CADM2: variants seen among roughly 807,000 people sequenced by gnomAD.
CADM2 encodes the protein immunoglobulin superfamily member 4D.
Under a neutral mutation model 49.8 loss-of-function variants are expected in CADM2, and 12 were observed. The observed-to-expected ratio is 0.24, with a 90% CI of 0.15 to 0.39. CADM2 has a LOEUF of 0.39. Ranked by LOEUF, CADM2 falls within the 10% of genes least tolerant of loss-of-function variation. The probability of loss-of-function intolerance (pLI) is 1.00; values close to 1 mark genes in which losing one functional copy is unlikely to be tolerated. For synonymous variants in CADM2, 214 were observed against 175.4 expected, an observed-to-expected ratio of 1.22 and a Z score of -1.74; for missense variants, 378 against 492.3, an observed-to-expected ratio of 0.77 and a Z score of 2.20.
intron 2 of CADM2, among the ~76,000 whole-genome samples, chr3:85,738,963 G>T (rs1285334942): frequency 2.0e-5 from 3 of 151,998 alleles, no homozygotes; most frequent in African/African-American, 7.2e-5. Context: ...TTTTAAAATT[G>T]ATTCCACCAC....
intron 3 of CADM2, among the ~76,000 whole-genome samples, chr3:85,868,405 A>T (rs1253796069): frequency 3.3e-5 from 5 of 152,148 alleles, no homozygotes; most frequent in Admixed American, 3.3e-4. Context: ...TGGTTAAAAC[A>T]GAAACGACTT....
chr3:86,065,547 A>G, intron 8 of CADM2, 58 bp from the exon 9 acceptor site: 1 of 1,541,886 alleles, frequency 6.5e-7, no homozygotes, highest in Non-Finnish European at 8.8e-7. Context: ...TAATGCAGTT[A>G]TGTATTCTGT....
intron 1 of CADM2, among the ~76,000 whole-genome samples, chr3:85,596,178 T>G (rs2063234632): frequency 6.6e-6 from 1 of 151,878 alleles, no homozygotes; most frequent in Non-Finnish European, 1.5e-5. Flanking sequence ...TATTACTTTA[T>G]TTTATTTTTT....
At chr3:85,353,026 C>T (rs1055584040) in intron 1 of CADM2, among the ~76,000 whole-genome samples, 16 of 152,076 alleles carry the variant, frequency 1.1e-4, no homozygotes, top group South Asian at 2.1e-4. Flanking sequence ...GCTTATTTAT[C>T]CTTAAATGCT....
At chr3:86,029,804 G>C (rs1734341766) in intron 8 of CADM2, among the ~76,000 whole-genome samples, 1 of 151,986 alleles carries the variant, frequency 6.6e-6, no homozygotes, top group Admixed American at 6.6e-5. Flanking sequence ...CTGGTATTTT[G>C]AACTTGGGAG....
chr3:85,248,719 A>T (rs1358738053), intron 1 of CADM2, among the ~76,000 whole-genome samples: 1 of 152,234 alleles, frequency 6.6e-6, no homozygotes, highest in Non-Finnish European at 1.5e-5. Flanking sequence ...GTGAAAAAAT[A>T]TTTAAATCGA....
chr3:85,800,701 A>G (rs1988552), intron 2 of CADM2: 144,418 of 152,444 alleles, frequency 0.95, 68,497 homozygotes, highest in East Asian at 1. Flanking sequence ...GAAGTGACAC[A>G]CCACCCTACT....
At chr3:85,205,114 C>T (rs1019503402) in intron 1 of CADM2, among the ~76,000 whole-genome samples, 7 of 150,898 alleles carry the variant, frequency 4.6e-5, no homozygotes, top group Non-Finnish European at 8.8e-5. Flanking sequence ...ACCTCATGGG[C>T]TCAAGCAATC....
intron 1 of CADM2, among the ~76,000 whole-genome samples, chr3:85,242,184 GA>G (rs1255205500): frequency 6.6e-6 from 1 of 150,722 alleles, no homozygotes; most frequent in African/African-American, 2.4e-5. Context: ...TAGACTCTAT[GA>G]GTATCTAGAT....
At chr3:85,854,189 T>G (rs2108300076) in intron 3 of CADM2, among the ~76,000 whole-genome samples, 1 of 152,346 alleles carries the variant, frequency 6.6e-6, no homozygotes, top group Non-Finnish European at 1.5e-5. Context: ...ACTGGAATTC[T>G]TTCACTGTAT....
chr3:85,730,980 A>C (rs2067907708), intron 2 of CADM2, among the ~76,000 whole-genome samples: 1 of 152,190 alleles, frequency 6.6e-6, no homozygotes, highest in African/African-American at 2.4e-5. Context: ...CTTAAGAATT[A>C]AGATAATGCA....
intron 1 of CADM2, among the ~76,000 whole-genome samples, chr3:85,297,358 A>G (rs2043991943): frequency 1.3e-5 from 2 of 152,196 alleles, no homozygotes; most frequent in East Asian, 1.9e-4. Flanking sequence ...CTGGGCTGGT[A>G]TGGTTATCTA....
intron 1 of CADM2, among the ~76,000 whole-genome samples, chr3:85,568,453 TTC>T (rs1559915924): frequency 1.1e-4 from 3 of 27,576 alleles, no homozygotes; most frequent in African/African-American, 1.8e-4. Flanking sequence ...CTTTCTTTCT[TTC>T]TTTCTTTCTC....
chr3:85,380,665 A>G (rs923900885), intron 1 of CADM2, among the ~76,000 whole-genome samples: 1 of 151,974 alleles, frequency 6.6e-6, no homozygotes, highest in African/African-American at 2.4e-5. Context: ...AAACCCAGGT[A>G]AACCGTAACA....
intron 8 of CADM2, among the ~76,000 whole-genome samples, chr3:86,023,429 G>A (rs1354896339): frequency 6.6e-6 from 1 of 151,946 alleles, no homozygotes; most frequent in African/African-American, 2.4e-5. Context: ...GTTGCCCATG[G>A]CTCACTGCAA....
intron 1 of CADM2, among the ~76,000 whole-genome samples, chr3:85,442,725 T>C (rs535707561): frequency 9.2e-4 from 137 of 149,680 alleles, no homozygotes; most frequent in Non-Finnish European, 1.6e-3. Flanking sequence ...TTAAATATAG[T>C]ATAAAAAAGT....
intron 1 of CADM2, among the ~76,000 whole-genome samples, chr3:85,054,434 G>A (rs1217390236): frequency 1.3e-5 from 2 of 151,806 alleles, no homozygotes; most frequent in Non-Finnish European, 2.9e-5. Flanking sequence ...CTTTGTTAAG[G>A]CTTAGACATT....
chr3:85,834,743 A>AC (rs2074331534), intron 3 of CADM2, among the ~76,000 whole-genome samples: 1 of 151,310 alleles, frequency 6.6e-6, no homozygotes, highest in Non-Finnish European at 1.5e-5. Flanking sequence ...CTTGGGGAAA[A>AC]AAAAAAAAAC....
chr3:85,063,341 A>G (rs1447593414), intron 1 of CADM2, among the ~76,000 whole-genome samples: 1 of 151,988 alleles, frequency 6.6e-6, no homozygotes, highest in Non-Finnish European at 1.5e-5. Context: ...ATTGGGATAT[A>G]TGTTTCCTGA....
Sources: allele counts gnomAD v4.1 joint callset (sites outside exome capture counted in the v4.1 genomes callset), GRCh38; gene constraint gnomAD v4.1.1; transcripts MANE v1.5; gene names NCBI Gene and HGNC (gene_info 2026-07-23, HGNC 2026-07-21).